COL11A1: variants seen among roughly 807,000 people sequenced by gnomAD.
COL11A1 encodes the protein collagen alpha-1(XI) chain.
COL11A1 carries 74 observed loss-of-function variants against 265.2 expected under a neutral mutation model. That is an observed-to-expected ratio of 0.28 (90% CI 0.23 to 0.34). COL11A1 has a LOEUF of 0.34. Ranked by LOEUF, COL11A1 falls within the 10% of genes least tolerant of loss-of-function variation. The pLI is 1.00. For synonymous variants in COL11A1, 816 were observed against 727.6 expected (o/e 1.12, Z -1.96); for missense variants, 2,165 against 2,263.6 (o/e 0.96, Z 0.88).
chr1:102,914,724 C>G lies in COL11A1; in HGVS notation c.3904G>C (p.Asp1302His). Residue 1302 changes from aspartate to histidine, a missense_variant, in exon 51 of 67, where the codon GAT (aspartate) becomes CAT (histidine). Physicochemically the swap from Asp to His is moderately conservative, Grantham distance 81. Coordinates refer to ENST00000370096, the MANE Select transcript of COL11A1 (RefSeq NM_001854.4). The part of the protein sequence containing the change: ...PPGAKGPPGD[D>H]GPKGNPGPVG... ...CTTACCGGGTTACCCTTAGGGCCAT[C>G]ATCACCTGGTGGCCCCTTGGCACCT... 5.0e-6 allele frequency: 8 copies of G among 1,613,258 alleles called. No individual in the cohort carries two copies. The highest frequency in any genetic ancestry group is 6.8e-6 in the Non-Finnish European group (8 of 1,179,802).
intron 46 of COL11A1, among the ~76,000 whole-genome samples, chr1:102,927,532 C>A (rs545164643): frequency 2.6e-5 from 4 of 152,094 alleles, no homozygotes; most frequent in Admixed American, 2.6e-4. Context: ...CTGGCTAACA[C>A]GGTGAAACCC....
intron 41 of COL11A1, among the ~76,000 whole-genome samples, chr1:102,958,081 A>T (rs76492845): frequency 0.012 from 1,859 of 152,230 alleles, 46 homozygotes; most frequent in African/African-American, 0.042. Context: ...TGCACTTACA[A>T]TTATTTGGTC....
At chr1:102,961,722 A>G (rs1360656692) in intron 41 of COL11A1, 144 bp downstream of exon 41, 5 of 714,912 alleles carry the variant, frequency 7.0e-6, no homozygotes, top group Non-Finnish European at 9.9e-6. Flanking sequence ...GCATGCAATT[A>G]GTGGGAACTA....
intron 4 of COL11A1, among the ~76,000 whole-genome samples, chr1:103,053,461 A>G (rs1299301081): frequency 6.6e-6 from 1 of 152,210 alleles, no homozygotes; most frequent in Non-Finnish European, 1.5e-5. Flanking sequence ...GAGAACTGAG[A>G]AAATCCATTT....
rs886044320 is a variant in COL11A1, at chr1:102,997,096, C to G, written c.2225G>C (p.Gly742Ala). 6.2e-7 allele frequency: 1 copy of G among 1,611,920 alleles called. No homozygotes were observed. The highest frequency in any genetic ancestry group is 8.5e-7 in the Non-Finnish European group (1 of 1,178,438). The change falls in exon 26 of 67, where the codon GGA becomes GCA. Residue 742 changes from glycine to alanine, a missense_variant. Gly to Ala is a moderately conservative substitution (Grantham distance 60, BLOSUM62 0). Coordinates refer to ENST00000370096, the MANE Select transcript of COL11A1 (RefSeq NM_001854.4). The stretch of plus-strand genomic sequence containing the variant: ...GGAACCTACCAGAGCCCCCTTTTCT[C>G]CAGACTGGCCTTCTTTCCCAGGATG... ...PGHPGKEGQS[G>A]EKGALGPPGP...
intron 1 of COL11A1, among the ~76,000 whole-genome samples, chr1:103,104,864 G>C (rs182635797): frequency 3.3e-5 from 5 of 152,052 alleles, no homozygotes; most frequent in Non-Finnish European, 7.4e-5. Flanking sequence ...GGACAAATTC[G>C]ATCTCTTTGC....
intron 35 of COL11A1, among the ~76,000 whole-genome samples, chr1:102,975,149 A>C (rs1007422146): frequency 6.6e-6 from 1 of 152,172 alleles, no homozygotes; most frequent in Non-Finnish European, 1.5e-5. Flanking sequence ...TATCAATTAA[A>C]AGTGAATAGA....
intron 7 of COL11A1, among the ~76,000 whole-genome samples, chr1:103,023,590 G>C (rs1004227576): frequency 6.6e-6 from 1 of 151,994 alleles, no homozygotes; most frequent in Non-Finnish European, 1.5e-5. Flanking sequence ...CTCCCGACCT[G>C]AGGTGATCCA....
intron 41 of COL11A1, among the ~76,000 whole-genome samples, chr1:102,951,292 C>T (rs1412104582): frequency 6.6e-6 from 1 of 152,128 alleles, no homozygotes. Context: ...GTAAATATCT[C>T]CATGTCTCTT....
At chr1:102,900,745 T>C (rs904393027) in intron 54 of COL11A1, among the ~76,000 whole-genome samples, 1 of 152,108 alleles carries the variant, frequency 6.6e-6, no homozygotes, top group Non-Finnish European at 1.5e-5. Flanking sequence ...ATACAGCAAC[T>C]AAGTTGTGAT....
rs1570598905 is a variant in COL11A1 at position 102,876,770 on chromosome 1, G to T, written c.*1249C>A. The T allele has an allele frequency of 6.6e-6, 1 of 152,116 alleles. No individual in the cohort carries two copies. The highest frequency in any genetic ancestry group is 2.4e-5 in the African/African-American group (1 of 41,354). 9.4% of individuals were successfully genotyped at this position (152,116 alleles called of 1,614,324 possible). On this transcript the variant is annotated 3_prime_UTR_variant, in exon 67 of 67. Transcript: ENST00000370096. ...TTTTTAAATTGTATTGCTATTTCAA[G>T]CTACCTTAAAGTAAATACCTTAGTG...
intron 15 of COL11A1, among the ~76,000 whole-genome samples, chr1:103,007,813 T>A (rs2101864875): frequency 6.7e-6 from 1 of 149,546 alleles, no homozygotes; most frequent in East Asian, 2.0e-4. Flanking sequence ...TGAGCCAAGA[T>A]TATGCCACTG....
chr1:102,909,884 C>G (rs1654435710), intron 54 of COL11A1, among the ~76,000 whole-genome samples: 1 of 151,118 alleles, frequency 6.6e-6, no homozygotes, highest in Non-Finnish European at 1.5e-5. Context: ...GTAATAAACA[C>G]AAATATATTT....
At chr1:103,029,031 A>G (rs1379926309) in intron 5 of COL11A1, among the ~76,000 whole-genome samples, 2 of 152,094 alleles carry the variant, frequency 1.3e-5, no homozygotes, top group Non-Finnish European at 2.9e-5. Flanking sequence ...TGATTAAATT[A>G]AAATCTGTCT....
chr1:102,880,269 G>A (rs1650066259), intron 65 of COL11A1, among the ~76,000 whole-genome samples: 11 of 152,030 alleles, frequency 7.2e-5, no homozygotes, highest in Non-Finnish European at 1.5e-5. Flanking sequence ...GTAAAATAAT[G>A]GAACAATGAA....
chr1:102,934,370 A>G (rs1290088471), intron 46 of COL11A1, 79 bp downstream of exon 46: 9 of 1,009,856 alleles, frequency 8.9e-6, no homozygotes, highest in Middle Eastern at 2.1e-4. Context: ...AGAAAAAAAT[A>G]CTTTGTTTTA....
In COL11A1 at chr1:103,108,363, T is replaced by C. The variant is rs879833766; in HGVS notation, c.-185A>G. 5.2e-5 allele frequency: 34 copies of C among 649,586 alleles called. No homozygotes were observed. Among genetic ancestry groups the C allele is most frequent in the Non-Finnish European group, 8.9e-5 (32 of 359,664 alleles). The allele number at this position is 649,586 out of a possible 1,614,324, so 40.2% of individuals were successfully genotyped here. On this transcript the variant is annotated 5_prime_UTR_variant, in exon 1 of 67. Transcript: ENST00000370096. ...TTTGCGTTCTTCGTGTCTCTAGCCC[T>C]TTCCTCTCCCTCTGAGTTGGCCCCA...
chr1:102,922,066 G>T (rs550318537), intron 47 of COL11A1, among the ~76,000 whole-genome samples: 12 of 152,214 alleles, frequency 7.9e-5, no homozygotes, highest in African/African-American at 2.9e-4. Context: ...GTAAAACAAA[G>T]ATTTTCTCTC....
At chr1:103,002,328 G>C (rs1051734436) in intron 23 of COL11A1, 100 bp downstream of exon 23, 1 of 1,060,138 alleles carries the variant, frequency 9.4e-7, no homozygotes, top group Non-Finnish European at 1.4e-6. Context: ...TTTAAATATT[G>C]CTAGGACTAC....
Sources: allele counts gnomAD v4.1 joint callset (sites outside exome capture counted in the v4.1 genomes callset), GRCh38; gene constraint gnomAD v4.1.1; transcripts MANE v1.5; gene names NCBI Gene and HGNC (gene_info 2026-07-23, HGNC 2026-07-21).